The following SATL1 variants were observed in gnomAD, a reference collection of about 807,000 sequenced individuals.
SATL1 encodes spermidine/spermine N(1)-acetyltransferase-like protein 1.
Under a neutral mutation model 51.8 loss-of-function variants are expected in SATL1, and 47 were observed. The ratio of observed to expected loss-of-function variants is 0.91; its 90% confidence interval spans 0.72 to 1.16. SATL1 has a LOEUF of 1.16. Ranked by LOEUF, SATL1 falls within the 50% of genes most tolerant of loss-of-function variation. SATL1 has a pLI of 0.00. For synonymous variants in SATL1, 176 were observed against 182.4 expected (o/e 0.97, Z 0.28); for missense variants, 520 against 526.4 (o/e 0.99, Z 0.12).
At chrX:85,152,840 A>T (rs1475172934) in intron 2 of SATL1, among the ~76,000 whole-genome samples, 1 of 110,536 alleles carries the variant, frequency 9.0e-6, no homozygotes, top group East Asian at 2.9e-4. Flanking sequence ...GTGGGGAGGG[A>T]TAGCATTAGG....
At position 85,208,431 on chromosome X, in the gene SATL1, G is replaced by A. The variant is rs368584615; in HGVS notation, c.-313+15774C>T. On this transcript the variant is annotated intron_variant, in intron 2 of 7. Coordinates refer to ENST00000644105, the MANE Select transcript of SATL1 (RefSeq NM_001367857.2). ...GTATATACCCAGTAATAGGGTTGCC[G>A]GGCCAAACGGTAATTCTAGTTCTAG... Among the ~76,000 whole-genome samples the A allele has an allele frequency of 5.4e-5, 6 of 111,314 alleles. No homozygotes were observed. In the East Asian group the frequency reaches 1.7e-3, roughly 31 times the overall value.
At chrX:85,135,574 TTG>T (rs754342501) in intron 2 of SATL1, among the ~76,000 whole-genome samples, 3 of 105,406 alleles carry the variant, frequency 2.8e-5, no homozygotes, top group African/African-American at 1.1e-4. Context: ...GAGATAAATC[TTG>T]TGTGTGTGTG....
rs55951677 is a variant in SATL1, at chrX:85,108,295, T to G, written c.674A>C (p.Gln225Pro). 8.3e-7 allele frequency: 1 copy of G among 1,211,927 alleles called. No homozygotes were observed. The highest frequency in any genetic ancestry group is 1.1e-6 in the Non-Finnish European group (1 of 895,571). ...AGTGTCTGGTTGCCTTATGCCTGGT[T>G]GGCTGGGGACTTGCTGGCTCATGCC... ...QPGMSQQVPS[Q>P]PGIRQPDTSQ... The change falls in exon 3 of 8, where the codon CAA becomes CCA. Residue 225 changes from glutamine (Q) to proline (P), a missense_variant. Physicochemically the swap from Gln to Pro is moderately conservative, Grantham distance 76. Around this residue, in one of 3 missense-constraint regions of SATL1, gnomAD observed 488 missense variants for 474.3 expected, o/e 1.03. Transcript: ENST00000644105.
chrX:85,161,333 C>A (rs910912150), intron 2 of SATL1, among the ~76,000 whole-genome samples: 1 of 110,906 alleles, frequency 9.0e-6, no homozygotes, highest in Non-Finnish European at 1.9e-5. Flanking sequence ...TGCAAATGGG[C>A]AAAATGCCCC....
At chrX:85,228,498 G>A (rs1248373484) in intron 1 of SATL1, among the ~76,000 whole-genome samples, 1 of 111,258 alleles carries the variant, frequency 9.0e-6, no homozygotes, top group Non-Finnish European at 1.9e-5. Context: ...ATCCCTCAAA[G>A]GAGTTTTCTT....
At chrX:85,112,541 T>C (rs2147695740) in intron 2 of SATL1, among the ~76,000 whole-genome samples, 1 of 111,558 alleles carries the variant, frequency 9.0e-6, no homozygotes, top group African/African-American at 3.2e-5. Flanking sequence ...ACATGCACAG[T>C]GGCCTGCTAC....
At chrX:85,179,482 C>A (rs1484321618) in intron 2 of SATL1, among the ~76,000 whole-genome samples, 1 of 111,600 alleles carries the variant, frequency 9.0e-6, no homozygotes, top group African/African-American at 3.2e-5. Flanking sequence ...GATCTTTTCA[C>A]TTACTTGATT....
chrX:85,145,213 C>T (rs984913175), intron 2 of SATL1, among the ~76,000 whole-genome samples: 1 of 111,362 alleles, frequency 9.0e-6, no homozygotes, highest in African/African-American at 3.3e-5. Context: ...CAGGCATAAA[C>T]TGGAAATGTC....
chrX:85,122,295 T>G (rs1602847475), intron 2 of SATL1, among the ~76,000 whole-genome samples: 2 of 111,651 alleles, frequency 1.8e-5, no homozygotes, highest in East Asian at 5.6e-4. Flanking sequence ...TTCTATAAAC[T>G]GCCAAAAGAA....
intron 2 of SATL1, among the ~76,000 whole-genome samples, chrX:85,149,068 C>G (rs1475308529): frequency 6.3e-5 from 7 of 111,377 alleles, no homozygotes; most frequent in African/African-American, 2.0e-4. Flanking sequence ...ATTCAGGAAA[C>G]CCATCTCACG....
At chrX:85,223,972 C>T (rs747721861) in intron 2 of SATL1, among the ~76,000 whole-genome samples, 1 of 111,729 alleles carries the variant, frequency 9.0e-6, no homozygotes. Context: ...AGGAACACTC[C>T]TAGTTCCGAT....
At chrX:85,219,378 TCTCA>T (rs1339080265) in intron 2 of SATL1, 1 of 112,009 alleles carries the variant, frequency 8.9e-6, no homozygotes, top group Non-Finnish European at 1.9e-5. Flanking sequence ...TTTCCCCCTC[TCTCA>T]CTCTATGACT....
chrX:85,224,907 T>C (rs1399930902), intron 1 of SATL1, among the ~76,000 whole-genome samples: 2 of 110,519 alleles, frequency 1.8e-5, no homozygotes, highest in Admixed American at 9.7e-5. Context: ...AAACAAACCA[T>C]GAAACATCCA....
At chrX:85,235,147 T>C (rs1248020662) in intron 1 of SATL1, among the ~76,000 whole-genome samples, 3 of 110,997 alleles carry the variant, frequency 2.7e-5, no homozygotes, top group Non-Finnish European at 5.7e-5. Context: ...ATGATAAAAG[T>C]GTCAATTCAG....
chrX:85,145,559 T>C (rs1417934663), intron 2 of SATL1, among the ~76,000 whole-genome samples: 3 of 111,097 alleles, frequency 2.7e-5, no homozygotes, highest in African/African-American at 9.8e-5. Flanking sequence ...ATTTGAAAAA[T>C]ATACTTTGGC....
chrX:85,222,802 A>C (rs1229684288), intron 2 of SATL1, among the ~76,000 whole-genome samples: 1 of 112,030 alleles, frequency 8.9e-6, no homozygotes, highest in Non-Finnish European at 1.9e-5. Context: ...AAAAGGTAGT[A>C]GCAAAGATAA....
At position 85,223,683 on chromosome X, in the gene SATL1, G is replaced by A. The variant is rs756536710; in HGVS notation, c.-313+522C>T. On this transcript the variant is annotated intron_variant, in intron 2 of 7. Transcript: ENST00000644105. ...CTAGACCAAAGTCAAGGCCACAAAA[G>A]GTTGCTATGTAATTATGGGATCCGT... 4.6e-4 allele frequency among the ~76,000 whole-genome samples: 51 copies of A among 111,132 alleles called. No homozygotes were observed. In the South Asian group the frequency reaches 0.019, roughly 42 times the overall value.
chrX:85,183,418 C>T (rs1470207908), intron 2 of SATL1, among the ~76,000 whole-genome samples: 2 of 109,773 alleles, frequency 1.8e-5, no homozygotes, highest in Non-Finnish European at 3.8e-5. Context: ...CTTTTCTATA[C>T]CATTGGCCTA....
intron 3 of SATL1, among the ~76,000 whole-genome samples, chrX:85,104,733 C>T (rs1924992379): frequency 9.0e-6 from 1 of 111,570 alleles, no homozygotes; most frequent in Non-Finnish European, 1.9e-5. Flanking sequence ...ACCCTATGTA[C>T]ATCCTCTCAT....
Sources: allele counts gnomAD v4.1 joint callset (sites outside exome capture counted in the v4.1 genomes callset), GRCh38; gene constraint gnomAD v4.1.1; regional missense constraint gnomAD v4.1.1; transcripts MANE v1.5; gene names NCBI Gene and HGNC (gene_info 2026-07-23, HGNC 2026-07-21).